Variants in CEP85L observed in about 807,000 individuals in gnomAD.
CEP85L encodes the protein centrosomal protein of 85 kDa-like.
Under a neutral mutation model 100.3 loss-of-function variants are expected in CEP85L, and 60 were observed. The ratio of observed to expected loss-of-function variants is 0.60; its 90% CI spans 0.49 to 0.74. The LOEUF (loss-of-function observed/expected upper bound fraction) is 0.74. Among genes scored for constraint, CEP85L ranks in the 30% least tolerant of loss-of-function variants. The probability of loss-of-function intolerance (pLI) is 0.00; values close to 1 mark genes in which losing one functional copy is unlikely to be tolerated. For synonymous variants in CEP85L, 319 were observed against 322.7 expected, an observed-to-expected ratio of 0.99 and a Z score of 0.12; for missense variants, 973 against 936.2, an observed-to-expected ratio of 1.04 and a Z score of -0.51.
In CEP85L at chr6:118,465,442, T is replaced by C. The variant is rs1772441410; in HGVS notation, c.2381A>G (p.Tyr794Cys). The C allele has an allele frequency of 2.5e-6, 4 of 1,613,542 alleles. No individual in the cohort carries two copies. The highest frequency in any genetic ancestry group is 1.3e-5 in the African/African-American group (1 of 75,018). ...GCAGTTGTCTCCCATGTCCTGAGCA[T>C]AGCGGTCTGATATTGTAGTCCTTAA... Reference protein sequence around the residue: ...DELRTTISDRYAQDMGDNCIT... With the variant: ...DELRTTISDRCAQDMGDNCIT... Residue 794 changes from tyrosine (Y) to cysteine (C), a missense_variant, in exon 13 of 13, where the codon TAT becomes TGT. Around this residue, in one of 3 missense-constraint regions of CEP85L, gnomAD observed 890 missense variants for 844.5 expected, o/e 1.05. Transcript: ENST00000368491.
At chr6:118,612,660 CAAA>C (rs56271635) in intron 2 of CEP85L, among the ~76,000 whole-genome samples, 1 of 45,778 alleles carries the variant, frequency 2.2e-5, no homozygotes, top group African/African-American at 7.7e-5. Flanking sequence ...GACTCTGTCT[CAAA>C]AAAAAAAAAA....
intron 2 of CEP85L, among the ~76,000 whole-genome samples, chr6:118,609,987 G>C (rs1417077763): frequency 6.6e-6 from 1 of 151,834 alleles, no homozygotes; most frequent in Non-Finnish European, 1.5e-5. Flanking sequence ...AAAAAATTGA[G>C]AAGAGAGACG....
chr6:118,660,522 T>C (rs1775936695), intron 1 of CEP85L, among the ~76,000 whole-genome samples: 1 of 152,230 alleles, frequency 6.6e-6, no homozygotes, highest in South Asian at 2.1e-4. Flanking sequence ...TTGAACACTA[T>C]GATTTCTGGG....
At chr6:118,672,343 T>G (rs1776333901) in intron 1 of CEP85L, among the ~76,000 whole-genome samples, 1 of 152,170 alleles carries the variant, frequency 6.6e-6, no homozygotes, top group Non-Finnish European at 1.5e-5. Flanking sequence ...AGGCTTGATA[T>G]ATTATATTAT....
At chr6:118,569,330 A>T (rs1398614653) in intron 2 of CEP85L, among the ~76,000 whole-genome samples, 2 of 117,828 alleles carry the variant, frequency 1.7e-5, no homozygotes, top group African/African-American at 3.2e-5. Context: ...TGACAAGGCT[A>T]GACTCTGTCT....
At chr6:118,569,412 T>C (rs898793778) in intron 2 of CEP85L, among the ~76,000 whole-genome samples, 1 of 147,408 alleles carries the variant, frequency 6.8e-6, no homozygotes. Flanking sequence ...TATACATATG[T>C]AACAAACCTG....
chr6:118,555,097 T>C (rs1778774510), intron 3 of CEP85L, among the ~76,000 whole-genome samples: 1 of 152,184 alleles, frequency 6.6e-6, no homozygotes, highest in African/African-American at 2.4e-5. Context: ...GTCTAATTAT[T>C]ATTCCTTTCT....
intron 10 of CEP85L, among the ~76,000 whole-genome samples, chr6:118,475,137 A>T (rs1773256463): frequency 6.6e-6 from 1 of 152,182 alleles, no homozygotes; most frequent in Admixed American, 6.5e-5. Flanking sequence ...TGTTTAAAAT[A>T]GGTATATTTA....
At position 118,470,581 on chromosome 6, in the gene CEP85L, T is replaced by C. The variant is rs544765908; in HGVS notation, c.1978A>G (p.Lys660Glu). 14 of 1,607,532 alleles carry C rather than the reference T, an allele frequency of 8.7e-6. No individual in the cohort carries two copies. The South Asian group carries it at 1.6e-4, about 18-fold the overall frequency. Reference protein sequence around the residue: ...TTQKMMEELEKKERNVQRLTK... With the variant: ...TTQKMMEELEEKERNVQRLTK... ...AATCTCTGTACATTTCTTTCTTTCT[T>C]TTCCAGCTCTTCCATCATCTTTTGA... The change falls in exon 11 of 13, where the codon AAG becomes GAG. Residue 660 changes from lysine to glutamate, a missense_variant. This residue lies in a region of CEP85L where 890 missense variants were observed against 844.5 expected (regional missense o/e 1.05). Coordinates refer to ENST00000368491, the MANE Select transcript of CEP85L (RefSeq NM_001042475.3).
chr6:118,678,635 T>C (rs1776553183), intron 1 of CEP85L, among the ~76,000 whole-genome samples: 1 of 152,268 alleles, frequency 6.6e-6, no homozygotes, highest in South Asian at 2.1e-4. Context: ...AAATCATTGC[T>C]TTATCCTCAA....
At chr6:118,604,422 A>G (rs1320637411) in intron 2 of CEP85L, among the ~76,000 whole-genome samples, 1 of 152,212 alleles carries the variant, frequency 6.6e-6, no homozygotes, top group Non-Finnish European at 1.5e-5. Flanking sequence ...TCAAACTTTT[A>G]GCTTTATTCT....
At chr6:118,661,780 T>C (rs1775981014) in intron 1 of CEP85L, among the ~76,000 whole-genome samples, 1 of 152,110 alleles carries the variant, frequency 6.6e-6, no homozygotes, top group Non-Finnish European at 1.5e-5. Flanking sequence ...AGGGAAAAAA[T>C]AGAGAAGGAA....
intron 1 of CEP85L, among the ~76,000 whole-genome samples, chr6:118,683,013 G>A (rs1180135226): frequency 2.0e-5 from 3 of 152,120 alleles, no homozygotes; most frequent in Non-Finnish European, 4.4e-5. Flanking sequence ...TTAGAAGGAA[G>A]ACAAGTTTTT....
rs550298093 is a variant in CEP85L at position 118,601,256 on chromosome 6, T to C, written c.232+31197A>G. The stretch of plus-strand genomic sequence containing the variant: ...TAGTAACAGCTATATAGGTTGTTAG[T>C]TATTGTCAAATTGCCCTCTGTAAAG... On this transcript the variant is annotated intron_variant, in intron 2 of 12. Coordinates refer to ENST00000368491, the MANE Select transcript of CEP85L (RefSeq NM_001042475.3). Among the ~76,000 whole-genome samples, 26 of 152,290 alleles carry C rather than the reference T, an allele frequency of 1.7e-4. No individual in the cohort carries two copies. In the South Asian group the frequency reaches 3.9e-3, roughly 23 times the overall value.
At chr6:118,498,470 G>C (rs1299118469) in intron 5 of CEP85L, among the ~76,000 whole-genome samples, 1 of 152,094 alleles carries the variant, frequency 6.6e-6, no homozygotes, top group African/African-American at 2.4e-5. Context: ...TACTATCGCA[G>C]TTGGAGATTT....
rs751884597 is a variant in CEP85L at position 118,523,785 on chromosome 6, A to G, written c.1139+17T>C. 11 of 1,216,346 alleles carry G rather than the reference A, an allele frequency of 9.0e-6. No homozygotes were observed. The highest frequency in any genetic ancestry group is 1.3e-5 in the Non-Finnish European group (11 of 834,462). The allele number at this position is 1,216,346 out of a possible 1,614,324, so 75.3% of individuals were successfully genotyped here. A position where few individuals can be genotyped will look rare whatever the true frequency, so the allele number is the denominator to read the frequency against. On this transcript the variant is annotated intron_variant, in intron 4 of 12. Coordinates refer to ENST00000368491, the MANE Select transcript of CEP85L (RefSeq NM_001042475.3). ...TTCTGTAGGCCTGAAATATTTAATA[A>G]TTTAAAATAGACTCACCGATCGATT...
intron 5 of CEP85L, 140 bp downstream of exon 5, chr6:118,511,158 C>T: frequency 1.6e-6 from 1 of 620,220 alleles, no homozygotes; most frequent in African/African-American, 1.9e-5. Context: ...GTTGGACACT[C>T]TTTGCCACAC....
At chr6:118,605,939 G>A (rs1026308437) in intron 2 of CEP85L, among the ~76,000 whole-genome samples, 8 of 151,482 alleles carry the variant, frequency 5.3e-5, no homozygotes, top group Admixed American at 1.3e-4. Context: ...GCTTGAACCC[G>A]GGAGGCAGAG....
intron 2 of CEP85L, among the ~76,000 whole-genome samples, chr6:118,615,438 G>GAAA (rs11460454): frequency 1.5e-3 from 219 of 149,280 alleles, no homozygotes; most frequent in African/African-American, 5.2e-3. Flanking sequence ...AAGTAAATGG[G>GAAA]AAAAAAAAAA....
Sources: gnomAD v4.1 joint callset for allele counts (sites outside exome capture counted in the v4.1 genomes callset) on GRCh38, gnomAD v4.1.1 for gene constraint, gnomAD v4.1.1 regional missense constraint, MANE v1.5 for transcripts, NCBI Gene and HGNC (gene_info 2026-07-23, HGNC 2026-07-21) for gene names.